The following PALM variants were observed in gnomAD, a reference collection of about 807,000 sequenced individuals.
PALM encodes the protein paralemmin-1.
In PALM, 18 loss-of-function variants were observed where a neutral mutation model predicts 30.7. The ratio of observed to expected loss-of-function variants is 0.59; its 90% confidence interval spans 0.41 to 0.87. PALM has a LOEUF of 0.87. PALM is among the 40% of genes least tolerant of loss of function. The probability of loss-of-function intolerance (pLI) is 0.00; values close to 1 mark genes in which losing one functional copy is unlikely to be tolerated. For missense variants in PALM, 529 were observed against 555.4 expected, an observed-to-expected ratio of 0.95 and a Z score of 0.48; for synonymous variants, 286 against 242.8, an observed-to-expected ratio of 1.18 and a Z score of -1.66.
At chr19:728,995 CT>C (rs2032782626) in intron 4 of PALM, among the ~76,000 whole-genome samples, 2 of 150,678 alleles carry the variant, frequency 1.3e-5, no homozygotes, top group African/African-American at 4.9e-5. Flanking sequence ...CAGAGTGAGA[CT>C]GGGTCTCAAA....
At chr19:743,037 G>A (rs1410803579) in intron 8 of PALM, among the ~76,000 whole-genome samples, 1 of 152,102 alleles carries the variant, frequency 6.6e-6, no homozygotes, top group Non-Finnish European at 1.5e-5. Context: ...GTTTCTCCAC[G>A]TCCTCACCAG....
intron 7 of PALM, 119 bp from the exon 8 acceptor site, chr19:740,233 C>T (rs921886779): frequency 9.9e-7 from 1 of 1,009,994 alleles, no homozygotes. Context: ...CCGGCTCCGC[C>T]TGCCCCATCG....
rs368461531 is a variant in PALM at position 742,065 on chromosome 19, G to A, written c.634+1582G>A. Among the ~76,000 whole-genome samples the A allele has an allele frequency of 2.6e-5, 4 of 152,088 alleles. No individual in the cohort carries two copies. In the East Asian group the frequency reaches 5.8e-4, roughly 22 times the overall value. On this transcript the variant is annotated intron_variant, in intron 8 of 8. Coordinates refer to ENST00000338448, the MANE Select transcript of PALM (RefSeq NM_002579.3). This position sits in a 1 kb window ranked among gnomAD's most constrained non-coding sequence, Gnocchi z 5.5. ...AGACCATAAAATTCCGCCTTAATGGGAGGCTCATCTGGGCCCGGGACATTG... is the reference window on the plus strand; with the variant it reads ...AGACCATAAAATTCCGCCTTAATGGAAGGCTCATCTGGGCCCGGGACATTG...
chr19:725,285 G>A (rs990224700), intron 1 of PALM, among the ~76,000 whole-genome samples: 2 of 151,842 alleles, frequency 1.3e-5, no homozygotes, highest in Non-Finnish European at 1.5e-5. Flanking sequence ...TGGGCCGGGC[G>A]CGGTGGCTCA....
intron 1 of PALM, among the ~76,000 whole-genome samples, chr19:717,221 C>A (rs527786988): frequency 2.0e-4 from 30 of 152,332 alleles, no homozygotes; most frequent in Non-Finnish European, 3.2e-4. Context: ...AGCCACCGCG[C>A]CCAGCAGAGT....
At chr19:730,130 C>G (rs1048170693) in intron 4 of PALM, among the ~76,000 whole-genome samples, 1 of 152,190 alleles carries the variant, frequency 6.6e-6, no homozygotes, top group Non-Finnish European at 1.5e-5. Context: ...GGGGCTCTGC[C>G]CAGGCACCTC....
In PALM at chr19:722,009, T is replaced by C. The variant is rs796976060; in HGVS notation, c.6-4129T>C. Among the ~76,000 whole-genome samples the C allele has an allele frequency of 9.8e-3, 1,484 of 150,926 alleles. 27 individuals are homozygous for C. Among genetic ancestry groups the C allele is most frequent in the African/African-American group, 0.034 (1,405 of 40,890 alleles). ...TCTCGGCTCACTGCAAGCTCCGCCT[T>C]CCGGGTTCACGCCATTCTCCTGCCT... On this transcript the variant is annotated intron_variant, in intron 1 of 8. Transcript: ENST00000338448.
In PALM at chr19:746,201, GGTTTCCCTCC is replaced by G; in HGVS notation, c.635-83_635-74del. ...TGGAGGAGGATACAAGCCTTGCCAA[GGTTTCCCTCC>G]TGCCTGAGCCAGGTCACTCTCTCTG... On this transcript the variant is annotated intron_variant, in intron 8 of 8. Coordinates refer to ENST00000338448, the MANE Select transcript of PALM (RefSeq NM_002579.3). The surrounding 1 kb of genome is among the most constrained non-coding windows in gnomAD (Gnocchi z 7.1). The G allele has an allele frequency of 9.5e-7, 1 of 1,056,250 alleles. No homozygotes were observed. Among genetic ancestry groups the G allele is most frequent in the East Asian group, 2.4e-5 (1 of 42,046 alleles). 65.4% of individuals were successfully genotyped at this position (1,056,250 alleles called of 1,614,324 possible). A position where few individuals can be genotyped will look rare whatever the true frequency, so the allele number is the denominator to read the frequency against.
intron 1 of PALM, among the ~76,000 whole-genome samples, chr19:724,536 G>T (rs1404307750): frequency 6.6e-6 from 1 of 152,042 alleles, no homozygotes; most frequent in Non-Finnish European, 1.5e-5. Context: ...GGGCAGGCTG[G>T]TCTAGAACTC....
chr19:743,752 C>T (rs187350046), intron 8 of PALM, among the ~76,000 whole-genome samples: 12 of 152,156 alleles, frequency 7.9e-5, no homozygotes, highest in Admixed American at 7.2e-4. Flanking sequence ...TAGCAGGGAG[C>T]CGTGGGGTGC....
intron 1 of PALM, among the ~76,000 whole-genome samples, chr19:714,997 C>T (rs1335418952): frequency 3.3e-5 from 5 of 152,272 alleles, no homozygotes; most frequent in Admixed American, 2.6e-4. Flanking sequence ...GGTGCAGTGG[C>T]TTATGCCTGT....
intron 1 of PALM, among the ~76,000 whole-genome samples, chr19:717,955 G>A (rs889589397): frequency 8.5e-5 from 13 of 152,260 alleles, no homozygotes; most frequent in Non-Finnish European, 1.6e-4. Flanking sequence ...GCTGAGGCGG[G>A]CGAACCACCT....
Position 709,305 on chromosome 19 carries a change from G to A in PALM, c.5+154G>A, listed in dbSNP as rs1049304522. On this transcript the variant is annotated intron_variant, in intron 1 of 8. Coordinates refer to ENST00000338448, the MANE Select transcript of PALM (RefSeq NM_002579.3). The surrounding 1 kb of genome is among the most constrained non-coding windows in gnomAD (Gnocchi z 4.3). Reference sequence around the variant, plus strand: ...GGCTGCTGGGGCCGCAGCGCAGCCGGGAAGAGACTCGGGCTGGGCCGCGCC... The same window carrying A: ...GGCTGCTGGGGCCGCAGCGCAGCCGAGAAGAGACTCGGGCTGGGCCGCGCC... 3.2e-4 allele frequency among the ~76,000 whole-genome samples: 49 copies of A among 151,340 alleles called. No individual in the cohort carries two copies. Among genetic ancestry groups the A allele is most frequent in the African/African-American group, 1.1e-3 (45 of 41,458 alleles).
At chr19:736,245 C>G in intron 7 of PALM, 167 bp downstream of exon 7, 1 of 549,194 alleles carries the variant, frequency 1.8e-6, no homozygotes, top group African/African-American at 2.0e-5. Flanking sequence ...GGCTCCGAGC[C>G]TGGGGTGGGG....
Position 746,594 on chromosome 19 carries a change from A to G in PALM, c.944A>G (p.Lys315Arg), listed in dbSNP as rs371457241. 4 of 1,613,210 alleles carry G rather than the reference A, an allele frequency of 2.5e-6. No homozygotes were observed. Among genetic ancestry groups the G allele is most frequent in the South Asian group, 2.2e-5 (2 of 91,078 alleles). Residue 315 changes from lysine to arginine, a missense_variant, in exon 9 of 9, where the codon AAG (lysine) becomes AGG (arginine). Coordinates refer to ENST00000338448, the MANE Select transcript of PALM (RefSeq NM_002579.3). The surrounding 1 kb of genome is among the most constrained non-coding windows in gnomAD (Gnocchi z 7.1). ...AACGTGGAGGATGAGGCCGAGACCAAGAAGGTGCTGGGCCTTCAAGATACC... is the reference window on the plus strand; with the variant it reads ...AACGTGGAGGATGAGGCCGAGACCAGGAAGGTGCTGGGCCTTCAAGATACC... The part of the protein sequence containing the change: ...YQNVEDEAET[K>R]KVLGLQDTIT...
intron 6 of PALM, chr19:735,053 G>A (rs2032981458): frequency 1.0e-6 from 1 of 987,010 alleles, no homozygotes; most frequent in Non-Finnish European, 1.2e-6. Flanking sequence ...GGCTGAGGAT[G>A]AGGAATGAAC....
chr19:712,704 C>G (rs2032122909), intron 1 of PALM, among the ~76,000 whole-genome samples: 1 of 147,566 alleles, frequency 6.8e-6, no homozygotes, highest in African/African-American at 2.5e-5. Context: ...GAGACAGAGT[C>G]TCTCTCTGTC....
intron 4 of PALM, 136 bp from the exon 5 acceptor site, chr19:730,959 C>T (rs2032851152): frequency 1.6e-6 from 1 of 609,848 alleles, no homozygotes; most frequent in African/African-American, 1.9e-5. Flanking sequence ...CAAGATCACG[C>T]CATTGCACTC....
intron 7 of PALM, among the ~76,000 whole-genome samples, chr19:738,228 T>TA (rs2033079787): frequency 6.6e-6 from 1 of 151,666 alleles, no homozygotes; most frequent in Non-Finnish European, 1.5e-5. Flanking sequence ...CCGTCTCTAC[T>TA]AAAAAATAGA....
Sources: gnomAD v4.1 joint callset for allele counts (sites outside exome capture counted in the v4.1 genomes callset) on GRCh38, gnomAD v4.1.1 for gene constraint, Gnocchi (gnomAD v3.1) non-coding constraint, MANE v1.5 for transcripts, NCBI Gene and HGNC (gene_info 2026-07-23, HGNC 2026-07-21) for gene names.